Variants in HDAC5 observed in about 807,000 individuals in gnomAD.
The protein encoded by HDAC5 is histone deacetylase 5, also known as antigen NY-CO-9.
A neutral mutation model predicts 133.3 loss-of-function variants in HDAC5; 25 were observed. The ratio of observed to expected loss-of-function variants is 0.19; its 90% CI spans 0.14 to 0.26. The LOEUF is 0.26. HDAC5 is among the 10% of genes least tolerant of loss of function. HDAC5 has a pLI of 1.00. For synonymous variants in HDAC5, 589 were observed against 610.8 expected (o/e 0.96, Z 0.53); for missense variants, 1,041 against 1,460.5 (o/e 0.71, Z 4.68).
At chr17:44,092,054 T>A in intron 9 of HDAC5, 118 bp downstream of exon 9, 2 of 974,440 alleles carry the variant, frequency 2.1e-6, no homozygotes, top group Non-Finnish European at 3.0e-6. Context: ...CCTATTCATG[T>A]GGGCAGAGAG....
chr17:44,086,551 T>C, intron 14 of HDAC5, 21 bp downstream of exon 14: 1 of 1,295,504 alleles, frequency 7.7e-7, no homozygotes, highest in Non-Finnish European at 9.9e-7. Context: ...CAGAAGGACC[T>C]AACAGTTGGT....
At chr17:44,092,082 AGGCAGACAGACT>A in intron 9 of HDAC5, 78 bp downstream of exon 9, 6 of 1,197,604 alleles carry the variant, frequency 5.0e-6, no homozygotes, top group Non-Finnish European at 7.2e-6. Flanking sequence ...CTGGGCACTC[AGGCAGACAGACT>A]GGAAGGAGCT....
intron 3 of HDAC5, among the ~76,000 whole-genome samples, chr17:44,110,265 T>C (rs2052254322): frequency 1.3e-5 from 2 of 152,338 alleles, no homozygotes; most frequent in Admixed American, 6.5e-5. Flanking sequence ...CGGAAGTCAC[T>C]GTACTCGATC....
intron 3 of HDAC5, among the ~76,000 whole-genome samples, chr17:44,106,579 C>G (rs1036885483): frequency 2.0e-5 from 3 of 151,948 alleles, no homozygotes; most frequent in African/African-American, 4.8e-5. Flanking sequence ...TTTTAAAAAT[C>G]TGCACAAAAG....
intron 8 of HDAC5, 46 bp from the exon 9 acceptor site, chr17:44,092,330 C>T (rs768680700): frequency 1.4e-5 from 23 of 1,611,924 alleles, no homozygotes; most frequent in African/African-American, 2.7e-5. Context: ...GAACTACCCC[C>T]GACCCCTGAT....
intron 3 of HDAC5, among the ~76,000 whole-genome samples, chr17:44,105,966 G>C (rs917689161): frequency 5.2e-4 from 79 of 152,298 alleles, no homozygotes; most frequent in Middle Eastern, 3.4e-3. Context: ...ACCTTTGTTG[G>C]GGGGGCAGGG....
Position 44,117,136 on chromosome 17 carries a change from C to G in HDAC5, c.22+358G>C, listed in dbSNP as rs2052697343. On this transcript the variant is annotated intron_variant, in intron 2 of 26. Transcript: ENST00000682912. This position sits in a 1 kb window ranked among gnomAD's most constrained non-coding sequence, Gnocchi z 4.2. ...AGCATTCTGCTATAGTAAAGAAATTCCTCCAACATCATCCCAGACTGCCCA... is the reference window on the plus strand; with the variant it reads ...AGCATTCTGCTATAGTAAAGAAATTGCTCCAACATCATCCCAGACTGCCCA... 6.6e-6 allele frequency among the ~76,000 whole-genome samples: 1 copy of G among 152,226 alleles called. No homozygotes were observed. Among genetic ancestry groups the G allele is most frequent in the African/African-American group, 2.4e-5 (1 of 41,454 alleles).
In HDAC5 at chr17:44,078,178, C is replaced by G. The variant is rs1387457577; in HGVS notation, c.*198G>C. 3.9e-6 allele frequency: 2 copies of G among 513,032 alleles called. No individual in the cohort carries two copies. The highest frequency in any genetic ancestry group is 7.3e-5 in the Admixed American group (2 of 27,510). The allele number at this position is 513,032 out of a possible 1,614,324, so 31.8% of individuals were successfully genotyped here. A position where few individuals can be genotyped will look rare whatever the true frequency, so the allele number is the denominator to read the frequency against. On this transcript the variant is annotated 3_prime_UTR_variant, in exon 27 of 27. Transcript: ENST00000682912. ...GGACAGGGCTGGGAAGACACCACCA[C>G]CCCCTGCAGAGGGAGCAGGCTTCTA...
At position 44,086,699 on chromosome 17, in the gene HDAC5, C is replaced by T. The variant is rs764703934; in HGVS notation, c.1923G>A (p.Val641=). The change falls in exon 14 of 27, where the codon GTG becomes GTA. Residue 641 remains valine, a synonymous_variant. Transcript: ENST00000682912. The stretch of plus-strand genomic sequence containing the variant: ...TGGCCAGGCTGAGGGGCGCCTGGTA[C>T]ACCTGCAAAGGCTGCAGCGGCTGGG... The part of the protein sequence containing the change: ...SDAQPLQPLQ[V]YQAPLSLATV... 1.5e-6 allele frequency: 2 copies of T among 1,300,214 alleles called. No homozygotes were observed. The highest frequency in any genetic ancestry group is 2.0e-6 in the Non-Finnish European group (2 of 1,017,048). 80.5% of individuals were successfully genotyped at this position (1,300,214 alleles called of 1,614,324 possible).
Position 44,088,535 on chromosome 17 carries a change from A to C in HDAC5, c.1451T>G (p.Val484Gly). 2 of 1,613,440 alleles carry C rather than the reference A, an allele frequency of 1.2e-6. No homozygotes were observed. The highest frequency in any genetic ancestry group is 1.7e-6 in the Non-Finnish European group (2 of 1,179,962). ...GERVATSMRT[V>G]GKLPRHRPLS... is the part of the protein sequence containing the mutation. ...GGGCCGATGCCGCGGGAGCTTGCCT[A>C]CCGTCCGCATGCTGGTGGCCACACG... Residue 484 changes from valine to glycine, a missense_variant, in exon 12 of 27, where the codon GTA becomes GGA. Val to Gly is a moderately radical substitution (Grantham distance 109). This residue lies in a region of HDAC5 where 433 missense variants were observed against 531.6 expected (regional missense o/e 0.81). Transcript: ENST00000682912.
chr17:44,119,510 A>T (rs1158784649), intron 1 of HDAC5, among the ~76,000 whole-genome samples: 2 of 152,202 alleles, frequency 1.3e-5, no homozygotes, highest in Non-Finnish European at 2.9e-5. Context: ...CCCCTGAGGC[A>T]GAAGAGGAAG....
rs574726121 is a variant in HDAC5, at chr17:44,117,415, G to A, written c.22+79C>T. The A allele has an allele frequency of 1.9e-5, 28 of 1,468,362 alleles. No homozygotes were observed. The East Asian group carries it at 5.7e-4, about 30-fold the overall frequency. The allele number at this position is 1,468,362 out of a possible 1,614,324, so 91.0% of individuals were successfully genotyped here. On this transcript the variant is annotated intron_variant, in intron 2 of 26. Transcript: ENST00000682912. The surrounding 1 kb of genome is among the most constrained non-coding windows in gnomAD (Gnocchi z 4.2). ...ATAGCTCAGACAGTAAAGGTCAGCT[G>A]GCCTGGAAGGGAAACCCACACAGCC...
chr17:44,110,878 A>G (rs1222040386), intron 2 of HDAC5, 78 bp from the exon 3 acceptor site: 3 of 1,282,502 alleles, frequency 2.3e-6, no homozygotes, highest in South Asian at 1.2e-5. Context: ...CACCAGCAGC[A>G]TGCCAGGGAG....
At chr17:44,095,807 G>T (rs74734434) in intron 3 of HDAC5, among the ~76,000 whole-genome samples, 3 of 152,094 alleles carry the variant, frequency 2.0e-5, no homozygotes, top group South Asian at 4.1e-4. Context: ...GTAACAGCAG[G>T]GGGAGGGCAG....
intron 20 of HDAC5, among the ~76,000 whole-genome samples, chr17:44,081,395 G>A (rs1344750118): frequency 6.1e-5 from 9 of 147,072 alleles, no homozygotes; most frequent in Middle Eastern, 3.8e-3. Context: ...GATTACAGGC[G>A]CCCACCACTA....
intron 3 of HDAC5, among the ~76,000 whole-genome samples, chr17:44,108,665 C>T (rs1235419906): frequency 6.8e-6 from 1 of 147,800 alleles, no homozygotes; most frequent in Non-Finnish European, 1.5e-5. Flanking sequence ...CCTGGGCCCT[C>T]ATGGCCGTGT....
chr17:44,106,554 C>G (rs1167301905), intron 3 of HDAC5, among the ~76,000 whole-genome samples: 1 of 152,044 alleles, frequency 6.6e-6, no homozygotes, highest in Non-Finnish European at 1.5e-5. Flanking sequence ...CGTATCTACC[C>G]AGAAGAGGGC....
At chr17:44,102,457 T>G (rs2051672667) in intron 3 of HDAC5, among the ~76,000 whole-genome samples, 1 of 152,156 alleles carries the variant, frequency 6.6e-6, no homozygotes, top group Non-Finnish European at 1.5e-5. Flanking sequence ...ACCTCCCGGC[T>G]TCAAGTGATT....
At chr17:44,103,477 C>T (rs1339652871) in intron 3 of HDAC5, among the ~76,000 whole-genome samples, 1 of 152,184 alleles carries the variant, frequency 6.6e-6, no homozygotes, top group African/African-American at 2.4e-5. Context: ...GGGCAAGACA[C>T]AGGGCACCAC....
Sources: allele counts gnomAD v4.1 joint callset (sites outside exome capture counted in the v4.1 genomes callset), GRCh38; gene constraint gnomAD v4.1.1; regional missense constraint gnomAD v4.1.1; non-coding constraint Gnocchi (gnomAD v3.1); transcripts MANE v1.5; gene names NCBI Gene and HGNC (gene_info 2026-07-23, HGNC 2026-07-21).